The following C1QTNF5 variants were observed in gnomAD, a reference collection of about 807,000 sequenced individuals.
The protein encoded by C1QTNF5 is complement C1q tumor necrosis factor-related protein 5.
A neutral mutation model predicts 10.9 loss-of-function variants in C1QTNF5; 5 were observed. That is an observed-to-expected ratio of 0.46 (90% CI 0.24 to 0.97). The LOEUF (loss-of-function observed/expected upper bound fraction) is 0.97. Among genes scored for constraint, C1QTNF5 ranks in the 50% least tolerant of loss-of-function variants. The pLI is 0.19. For synonymous variants in C1QTNF5, 161 were observed against 156.5 expected (o/e 1.03, Z -0.22); for missense variants, 281 against 339.4 (o/e 0.83, Z 1.35).
upstream of C1QTNF5, chr11:119,344,270 CT>C: frequency 6.4e-7 from 1 of 1,565,448 alleles, no homozygotes. Flanking sequence ...GGATCAGGTG[CT>C]TCCGTGTGTG....
upstream of C1QTNF5, chr11:119,344,890 A>G (rs761029374): frequency 1.2e-6 from 2 of 1,612,974 alleles, no homozygotes; most frequent in East Asian, 2.2e-5. Context: ...CAGGGGCCAT[A>G]GCCTGGTACC....
rs921427838 is a variant in C1QTNF5, at chr11:119,339,052, G to T, written c.*279C>A. 1.5e-5 allele frequency: 6 copies of T among 397,132 alleles called. No individual in the cohort carries two copies. Among genetic ancestry groups the T allele is most frequent in the Non-Finnish European group, 2.7e-5 (6 of 220,214 alleles). The allele number at this position is 397,132 out of a possible 1,614,324, so 24.6% of individuals were successfully genotyped here. On this transcript the variant is annotated 3_prime_UTR_variant, in exon 3 of 3. Coordinates refer to ENST00000528368, the MANE Select transcript of C1QTNF5 (RefSeq NM_001278431.2). This position sits in a 1 kb window ranked among gnomAD's most constrained non-coding sequence, Gnocchi z 5.4. ...AGGACCAGGAAGAGAGCACCCCACC[G>T]TGGGCTCCTGGACCAGAGCAACTGG... is the stretch of plus-strand genomic sequence containing the variant.
chr11:119,345,898 G>A, upstream of C1QTNF5: 2 of 1,613,758 alleles, frequency 1.2e-6, no homozygotes, highest in South Asian at 1.1e-5. Context: ...TGGGCTATGG[G>A]ACGCCCCAGA....
chr11:119,344,727 T>C, upstream of C1QTNF5: 7 of 1,613,942 alleles, frequency 4.3e-6, no homozygotes, highest in Non-Finnish European at 5.1e-6. Flanking sequence ...GATGAGCTGG[T>C]CACAGCGGAA....
upstream of C1QTNF5, chr11:119,345,353 C>T: frequency 6.6e-7 from 1 of 1,520,174 alleles, no homozygotes; most frequent in Non-Finnish European, 9.1e-7. Context: ...CCCTGCCACT[C>T]CCTGATTCTG....
upstream of C1QTNF5, chr11:119,341,797 G>T (rs375333052): frequency 1.1e-5 from 17 of 1,613,218 alleles, no homozygotes; most frequent in Non-Finnish European, 1.4e-5. Context: ...TGGCCTTCAG[G>T]CACCTGCTCC....
At chr11:119,341,299 T>C (rs762046345), upstream of C1QTNF5, 2 of 553,900 alleles carry the variant, frequency 3.6e-6, no homozygotes, top group Non-Finnish European at 6.4e-6. Flanking sequence ...GGATGGGAAG[T>C]GGTCTCGATT....
chr11:119,342,925 G>A, upstream of C1QTNF5: 1 of 1,612,848 alleles, frequency 6.2e-7, no homozygotes, highest in South Asian at 1.1e-5. Context: ...CACTGCTGAT[G>A]CCATGATCTG....
At chr11:119,341,625 G>A (rs1452839455), upstream of C1QTNF5, 1 of 1,612,988 alleles carries the variant, frequency 6.2e-7, no homozygotes, top group East Asian at 2.2e-5. Flanking sequence ...GTGCCCAGTA[G>A]TGCCAGGCCA....
upstream of C1QTNF5, chr11:119,343,694 C>T: frequency 7.9e-7 from 1 of 1,262,926 alleles, no homozygotes. Flanking sequence ...TGAAGAGACC[C>T]CCGGCCTGGA....
chr11:119,339,348 A>C lies in C1QTNF5; in HGVS notation c.715T>G (p.Ser239Ala), dbSNP rs1591299012. 6.2e-7 allele frequency: 1 copy of C among 1,612,698 alleles called. No homozygotes were observed. Among genetic ancestry groups the C allele is most frequent in the Non-Finnish European group, 8.5e-7 (1 of 1,179,220 alleles). The change falls in exon 3 of 3, where the codon TCC becomes GCC. Residue 239 changes from serine to alanine, a missense_variant. Physicochemically the swap from Ser to Ala is moderately conservative, Grantham distance 99. Coordinates refer to ENST00000528368, the MANE Select transcript of C1QTNF5 (RefSeq NM_001278431.2). The surrounding 1 kb of genome is among the most constrained non-coding windows in gnomAD (Gnocchi z 5.4). ...GFLVYSDWHS[S>A]PVFA The stretch of plus-strand genomic sequence containing the variant: ...AGTGGGCACTAAGCAAAGACTGGGG[A>C]GCTGTGCCAGTCGGAGTACACCAGA...
At chr11:119,345,563 G>C, upstream of C1QTNF5, 1 of 1,612,332 alleles carries the variant, frequency 6.2e-7, no homozygotes. Flanking sequence ...AGTGGGTGTT[G>C]GGGGGGTAAG....
chr11:119,344,211 C>T, upstream of C1QTNF5: 2 of 1,175,442 alleles, frequency 1.7e-6, no homozygotes, highest in Admixed American at 1.7e-5. Context: ...TCTGACCTTC[C>T]CAAGTAGAAG....
At chr11:119,345,879 G>C (rs562580805), upstream of C1QTNF5, 1 of 1,613,650 alleles carries the variant, frequency 6.2e-7, no homozygotes, top group African/African-American at 1.3e-5. Flanking sequence ...TAAGGCCTCC[G>C]GCAGGCAGTG....
chr11:119,344,646 C>T (rs1950540810), upstream of C1QTNF5: 2 of 1,614,102 alleles, frequency 1.2e-6, no homozygotes, highest in South Asian at 2.2e-5. Context: ...GAACTTGGCA[C>T]TGCAATTGGT....
upstream of C1QTNF5, chr11:119,342,473 T>A: frequency 7.7e-7 from 1 of 1,292,590 alleles, no homozygotes; most frequent in South Asian, 1.4e-5. Context: ...AGAGTCAGGA[T>A]GGTGAGGCCA....
At chr11:119,342,477 G>A, upstream of C1QTNF5, 1 of 1,355,932 alleles carries the variant, frequency 7.4e-7, no homozygotes, top group South Asian at 1.4e-5. Flanking sequence ...TCAGGATGGT[G>A]AGGCCAGCTG....
upstream of C1QTNF5, chr11:119,345,719 C>T (rs1950557580): frequency 1.2e-6 from 2 of 1,612,768 alleles, no homozygotes; most frequent in Non-Finnish European, 1.7e-6. Flanking sequence ...CTCCCCTCAA[C>T]CCCACCCCGT....
At position 119,339,971 on chromosome 11, in the gene C1QTNF5, G is replaced by A. The variant is rs2069934127; in HGVS notation, c.215-123C>T. Reference sequence around the variant, plus strand: ...TGAGCTTCGGCCAGCGCCTCCTCCCGCACGGGTACCTCCTCCACCCCTTCC... The same window carrying A: ...TGAGCTTCGGCCAGCGCCTCCTCCCACACGGGTACCTCCTCCACCCCTTCC... On this transcript the variant is annotated intron_variant, in intron 2 of 2. Coordinates refer to ENST00000528368, the MANE Select transcript of C1QTNF5 (RefSeq NM_001278431.2). The surrounding 1 kb of genome is among the most constrained non-coding windows in gnomAD (Gnocchi z 5.4). 14 of 1,338,232 alleles carry A rather than the reference G, an allele frequency of 1.0e-5. No homozygotes were observed. The Admixed American group carries it at 4.4e-4, about 42-fold the overall frequency. 82.9% of individuals were successfully genotyped at this position (1,338,232 alleles called of 1,614,324 possible). A position where few individuals can be genotyped will look rare whatever the true frequency, so the allele number is the denominator to read the frequency against.
Sources: allele counts gnomAD v4.1 joint callset, GRCh38; gene constraint gnomAD v4.1.1; non-coding constraint Gnocchi (gnomAD v3.1); transcripts MANE v1.5; gene names NCBI Gene and HGNC (gene_info 2026-07-23, HGNC 2026-07-21).